ITPR1: variants seen among roughly 807,000 people sequenced by gnomAD.
ITPR1 encodes the protein inositol 1,4,5-trisphosphate receptor type 1.
A neutral mutation model predicts 318.4 loss-of-function variants in ITPR1; 96 were observed. The ratio of observed to expected loss-of-function variants is 0.30; its 90% CI spans 0.26 to 0.36. ITPR1 has a LOEUF of 0.36. Ranked by LOEUF, ITPR1 falls within the 10% of genes least tolerant of loss-of-function variation. The probability of loss-of-function intolerance (pLI) is 1.00; values close to 1 mark genes in which losing one functional copy is unlikely to be tolerated. For synonymous variants in ITPR1, 1,312 were observed against 1,289.9 expected (o/e 1.02, Z -0.37); for missense variants, 2,440 against 3,460.2 (o/e 0.71, Z 7.40).
intron 55 of ITPR1, among the ~76,000 whole-genome samples, chr3:4,807,093 CTTA>C: frequency 9.5e-5 from 4 of 42,052 alleles, no homozygotes; most frequent in Admixed American, 3.7e-4. Context: ...GAGAGGGGGG[CTTA>C]CAAAGAGAGG....
chr3:4,725,627 G>A (rs1264464110), intron 41 of ITPR1, 46 bp downstream of exon 41: 2 of 1,524,152 alleles, frequency 1.3e-6, no homozygotes, highest in Non-Finnish European at 1.8e-6. Flanking sequence ...AGCAAATATG[G>A]ATGCCTCTCA....
chr3:4,734,236 C>T (rs1211413765), intron 43 of ITPR1, among the ~76,000 whole-genome samples: 1 of 152,204 alleles, frequency 6.6e-6, no homozygotes, highest in Admixed American at 6.5e-5. Flanking sequence ...TCTCTCAAAA[C>T]CATTCTCTTT....
At chr3:4,788,165 C>T (rs762925581) in intron 52 of ITPR1, 26 bp downstream of exon 52, 4 of 1,545,002 alleles carry the variant, frequency 2.6e-6, no homozygotes, top group South Asian at 2.4e-5. Context: ...TCAGCAACAA[C>T]ACAGAGAGAC....
chr3:4,812,358 A>C (rs1439494794), intron 56 of ITPR1, among the ~76,000 whole-genome samples: 1 of 152,192 alleles, frequency 6.6e-6, no homozygotes, highest in East Asian at 1.9e-4. Flanking sequence ...TTAAAAATTA[A>C]AAAGCCCATA....
rs145948959 is a variant in ITPR1 at position 4,829,806 on chromosome 3, C to T, written c.8029-6968C>T. ...ACGTATCCACCTTTAGAATATCACA[C>T]AGAATAGTTTCTGCTCTAAAAATCC... On this transcript the variant is annotated intron_variant, in intron 60 of 61. Transcript: ENST00000649015. Among the ~76,000 whole-genome samples, 791 of 152,212 alleles carry T rather than the reference C, an allele frequency of 5.2e-3. 9 individuals are homozygous for T. Among genetic ancestry groups the T allele is most frequent in the African/African-American group, 0.018 (735 of 41,522 alleles).
Position 4,676,716 on chromosome 3 carries a change from C to A in ITPR1, c.2882C>A (p.Pro961His), listed in dbSNP as rs1326641935. Reference sequence around the variant, plus strand: ...CCCATGACTCCCATGGCTGCTGCCCCTGAAGGCAATGTGAAGCAGGCAGAG... The same window carrying A: ...CCCATGACTCCCATGGCTGCTGCCCATGAAGGCAATGTGAAGCAGGCAGAG... ...FLPMTPMAAA[P>H]EGNVKQAEPE... Residue 961 changes from proline to histidine, a missense_variant, in exon 24 of 62, where the codon CCT becomes CAT. Transcript: ENST00000649015. 1 of 1,613,778 alleles carries A rather than the reference C, an allele frequency of 6.2e-7. No individual in the cohort carries two copies. The highest frequency in any genetic ancestry group is 8.5e-7 in the Non-Finnish European group (1 of 1,179,806).
In ITPR1 at chr3:4,673,184, G is replaced by T; in HGVS notation, c.2253G>T (p.Leu751=). Reference sequence around the variant, plus strand: ...GGATGTGTCTGGACCGCCAATACCTGGCCATCAACGAAATCTCAGGCCAGC... The same window carrying T: ...GGATGTGTCTGGACCGCCAATACCTTGCCATCAACGAAATCTCAGGCCAGC... ...FARMCLDRQY[L]AINEISGQLD... Residue 751 remains leucine, a synonymous_variant, in exon 21 of 62, where the codon CTG becomes CTT. Coordinates refer to ENST00000649015, the MANE Select transcript of ITPR1 (RefSeq NM_001378452.1). 6.2e-7 allele frequency: 1 copy of T among 1,613,882 alleles called. No individual in the cohort carries two copies.
chr3:4,633,748 A>G (rs1195730426), intron 5 of ITPR1, among the ~76,000 whole-genome samples: 4 of 152,260 alleles, frequency 2.6e-5, no homozygotes, highest in African/African-American at 9.6e-5. Flanking sequence ...TGACAGCAGC[A>G]TAGCTGTTAC....
chr3:4,811,534 A>G (rs980386669), intron 56 of ITPR1, 74 bp downstream of exon 56: 2 of 1,248,406 alleles, frequency 1.6e-6, no homozygotes, highest in Non-Finnish European at 2.3e-6. Flanking sequence ...AAAGAAAATA[A>G]CGACTTTAGT....
intron 4 of ITPR1, among the ~76,000 whole-genome samples, chr3:4,603,537 C>A (rs1249487257): frequency 6.6e-6 from 1 of 152,184 alleles, no homozygotes; most frequent in Non-Finnish European, 1.5e-5. Context: ...TCAAGCAATT[C>A]TCCTGCCTCA....
chr3:4,702,999 G>C (rs2094687640), intron 36 of ITPR1, 49 bp downstream of exon 36: 3 of 1,590,746 alleles, frequency 1.9e-6, no homozygotes, highest in Non-Finnish European at 2.6e-6. Flanking sequence ...TGAATTGTCT[G>C]ACAGTAGTAA....
At chr3:4,512,689 C>G (rs2081923495) in intron 2 of ITPR1, among the ~76,000 whole-genome samples, 1 of 152,088 alleles carries the variant, frequency 6.6e-6, no homozygotes. Context: ...AAATAACTAG[C>G]ATAGATTAAT....
chr3:4,562,978 G>T (rs2086836180), intron 4 of ITPR1, among the ~76,000 whole-genome samples: 1 of 152,178 alleles, frequency 6.6e-6, no homozygotes, highest in Admixed American at 6.5e-5. Context: ...GCCAGCACTA[G>T]ATAGGGCAGT....
intron 24 of ITPR1, among the ~76,000 whole-genome samples, chr3:4,679,734 T>A (rs2094258983): frequency 6.6e-6 from 1 of 152,168 alleles, no homozygotes; most frequent in South Asian, 2.1e-4. Flanking sequence ...CATATAAAAT[T>A]AACCATCGCA....
At chr3:4,726,092 C>G (rs1230986436) in intron 41 of ITPR1, among the ~76,000 whole-genome samples, 1 of 152,044 alleles carries the variant, frequency 6.6e-6, no homozygotes, top group Admixed American at 6.5e-5. Flanking sequence ...TGCAGTGGCA[C>G]AACCTTGGCT....
chr3:4,660,423 A>G (rs4491888), intron 13 of ITPR1, among the ~76,000 whole-genome samples: 7,653 of 150,772 alleles, frequency 0.051, 344 homozygotes, highest in East Asian at 0.12. Context: ...AACTTTGTTT[A>G]TGATGGTTCT....
At chr3:4,548,632 G>A (rs558151789) in intron 4 of ITPR1, among the ~76,000 whole-genome samples, 12 of 152,206 alleles carry the variant, frequency 7.9e-5, no homozygotes, top group African/African-American at 2.2e-4. Flanking sequence ...ACTTCAGTTC[G>A]TTCAAGGTGA....
intron 4 of ITPR1, among the ~76,000 whole-genome samples, chr3:4,541,711 C>T (rs928927439): frequency 7.2e-5 from 11 of 151,998 alleles, no homozygotes; most frequent in East Asian, 1.9e-4. Context: ...CTGCAACCTC[C>T]GCCTCCCAGG....
intron 60 of ITPR1, among the ~76,000 whole-genome samples, chr3:4,836,450 T>C (rs1337107309): frequency 6.6e-6 from 1 of 152,142 alleles, no homozygotes; most frequent in Non-Finnish European, 1.5e-5. Context: ...AAAACCAAAC[T>C]CATCAGCCAT....
Sources: allele counts gnomAD v4.1 joint callset (sites outside exome capture counted in the v4.1 genomes callset), GRCh38; gene constraint gnomAD v4.1.1; transcripts MANE v1.5; gene names NCBI Gene and HGNC (gene_info 2026-07-23, HGNC 2026-07-21).